DNAH3: variants seen among roughly 807,000 people sequenced by gnomAD.
DNAH3 encodes axonemal beta dynein heavy chain 3.
A neutral mutation model predicts 432.5 loss-of-function variants in DNAH3; 332 were observed. The observed-to-expected ratio is 0.77, with a 90% confidence interval of 0.70 to 0.84. DNAH3 has a LOEUF of 0.84. Ranked by LOEUF, DNAH3 falls within the 40% of genes least tolerant of loss-of-function variation. The probability of loss-of-function intolerance (pLI) is 0.00; values close to 1 mark genes in which losing one functional copy is unlikely to be tolerated. For missense variants in DNAH3, 4,861 were observed against 5,114.0 expected, an observed-to-expected ratio of 0.95 and a Z score of 1.51; for synonymous variants, 1,956 against 1,900.2, an observed-to-expected ratio of 1.03 and a Z score of -0.76.
intron 31 of DNAH3, among the ~76,000 whole-genome samples, chr16:21,045,777 T>C (rs1325827279): frequency 6.6e-6 from 1 of 151,398 alleles, no homozygotes; most frequent in Non-Finnish European, 1.5e-5. Context: ...AGGGTGTCAA[T>C]TTTGGATCTT....
exon 41 of DNAH3, chr16:21,019,639 T>C (rs758212262): frequency 8.1e-6 from 13 of 1,613,992 alleles, no homozygotes; most frequent in Non-Finnish European, 1.0e-5. Context: ...TCTGGAAAGA[T>C]GTTGTTTTTG....
intron 51 of DNAH3, among the ~76,000 whole-genome samples, chr16:20,971,113 C>T (rs1191865465): frequency 1.3e-5 from 2 of 152,014 alleles, no homozygotes; most frequent in Non-Finnish European, 1.5e-5. Context: ...AGTGATCCGC[C>T]CGCCTCGGCC....
intron 52 of DNAH3, among the ~76,000 whole-genome samples, chr16:20,965,760 TA>T (rs2085027405): frequency 6.6e-6 from 1 of 152,200 alleles, no homozygotes; most frequent in South Asian, 2.1e-4. Flanking sequence ...TCAGCCAGGC[TA>T]GAGTTCAGTG....
chr16:20,985,177 T>G, exon 48 of DNAH3: 1 of 1,614,230 alleles, frequency 6.2e-7, no homozygotes, highest in African/African-American at 1.3e-5. Context: ...GTCAGCCTTC[T>G]CGTCAGCAGG....
At chr16:21,097,481 C>G in exon 18 of DNAH3, 1 of 1,613,738 alleles carries the variant, frequency 6.2e-7, no homozygotes, top group Non-Finnish European at 8.5e-7. Context: ...TCCAATAGCT[C>G]TTCCTCCTTA....
intron 41 of DNAH3, among the ~76,000 whole-genome samples, chr16:21,004,221 AAAGT>A (rs751928746): frequency 2.6e-5 from 4 of 152,226 alleles, no homozygotes; most frequent in Middle Eastern, 3.2e-3. Flanking sequence ...TTAAAAAATG[AAAGT>A]AAGGAGAATA....
Position 20,954,084 on chromosome 16 carries a change from G to A in DNAH3, c.11071+729C>T, listed in dbSNP as rs367797569. On this transcript the variant is annotated intron_variant, in intron 55 of 61. Coordinates refer to ENST00000261383, the Ensembl canonical transcript of DNAH3. ...TACTAAAAATACAAAAATTAACCGG[G>A]TGTGGTGGCATGCTTGTAGTTCCAG... Among the ~76,000 whole-genome samples the A allele has an allele frequency of 1.2e-3, 177 of 151,646 alleles. 6 individuals carry two copies. The South Asian group carries it at 0.035, about 30-fold the overall frequency.
intron 36 of DNAH3, among the ~76,000 whole-genome samples, chr16:21,032,679 G>A (rs1293376094): frequency 2.0e-5 from 3 of 152,040 alleles, no homozygotes; most frequent in Admixed American, 1.3e-4. Flanking sequence ...CGGGCATGGT[G>A]GTGCATGCCT....
chr16:20,936,996 G>T, intron 59 of DNAH3, 143 bp from the exon 60 acceptor site: 1 of 662,070 alleles, frequency 1.5e-6, no homozygotes, highest in Non-Finnish European at 2.5e-6. Context: ...CCGTTACCTT[G>T]CTACCTAAAG....
At chr16:21,087,152 G>A (rs1281659907) in intron 18 of DNAH3, 92 bp from the exon 19 acceptor site, 1 of 1,065,104 alleles carries the variant, frequency 9.4e-7, no homozygotes, top group East Asian at 2.4e-5. Flanking sequence ...TGTGCCTCCT[G>A]TCGTTTGGAG....
chr16:21,055,981 T>C (rs1166433318), intron 27 of DNAH3, among the ~76,000 whole-genome samples: 1 of 151,358 alleles, frequency 6.6e-6, no homozygotes, highest in African/African-American at 2.5e-5. Flanking sequence ...CAAGCAATCC[T>C]CCCGCCTTGG....
intron 56 of DNAH3, 66 bp downstream of exon 56, chr16:20,952,367 G>A: frequency 1.0e-6 from 1 of 969,410 alleles, no homozygotes; most frequent in Non-Finnish European, 1.7e-6. Flanking sequence ...GAAATGGGAG[G>A]AGAACAGCAG....
intron 20 of DNAH3, among the ~76,000 whole-genome samples, chr16:21,076,724 T>C (rs1258576975): frequency 6.6e-6 from 1 of 152,188 alleles, no homozygotes; most frequent in Admixed American, 6.5e-5. Context: ...TTTTTCATAT[T>C]GTTCTGTTTC....
chr16:20,964,600 A>G, exon 53 of DNAH3: 1 of 1,614,114 alleles, frequency 6.2e-7, no homozygotes, highest in Non-Finnish European at 8.5e-7. Context: ...CGCCTTCTCC[A>G]TGTTCTTAAT....
intron 56 of DNAH3, among the ~76,000 whole-genome samples, chr16:20,949,674 CCT>C (rs1373875813): frequency 2.6e-5 from 4 of 152,184 alleles, no homozygotes; most frequent in East Asian, 1.9e-4. Context: ...TAACTGTGCC[CCT>C]GATAGAGAAT....
chr16:20,974,590 T>TTG lies in DNAH3; in HGVS notation c.8259+642_8259+643insCA, dbSNP rs1555514772. Among the ~76,000 whole-genome samples, 32 of 138,562 alleles carry TTG rather than the reference T, an allele frequency of 2.3e-4. 1 individual carries two copies. Among genetic ancestry groups the TTG allele is most frequent in the East Asian group, 4.3e-4 (2 of 4,660 alleles). 90.9% of individuals were successfully genotyped at this position (138,562 alleles called of 152,430 possible). On this transcript the variant is annotated intron_variant, in intron 51 of 61. Coordinates refer to ENST00000261383, the Ensembl canonical transcript of DNAH3. ...GGCTGTTTTATAGTGTTTTTTTTTT[T>TTG]TTTTTTTTTTTGTAGAGACAGAATC...
intron 44 of DNAH3, among the ~76,000 whole-genome samples, chr16:20,992,144 G>C (rs2086584700): frequency 6.6e-6 from 1 of 152,008 alleles, no homozygotes; most frequent in Non-Finnish European, 1.5e-5. Flanking sequence ...TATTGTTATA[G>C]ACTCATGGAT....
intron 28 of DNAH3, among the ~76,000 whole-genome samples, chr16:21,053,286 C>T (rs1021842241): frequency 1.3e-5 from 2 of 152,114 alleles, no homozygotes; most frequent in African/African-American, 4.8e-5. Context: ...ATTTAATTCC[C>T]CTCCTGGCTC....
At position 21,032,506 on chromosome 16, in the gene DNAH3, T is replaced by A. The variant is rs959194842; in HGVS notation, c.5198-1220A>T. Among the ~76,000 whole-genome samples the A allele has an allele frequency of 2.0e-5, 3 of 152,124 alleles. No individual in the cohort carries two copies. The South Asian group carries it at 6.2e-4, about 32-fold the overall frequency. ...GGGAAAAGTTGAAGTGCTTGAGTCA[T>A]GAACTAAATAAAGAACCACCTCTGG... is the stretch of plus-strand genomic sequence containing the variant. On this transcript the variant is annotated intron_variant, in intron 36 of 61. Coordinates refer to ENST00000261383, the Ensembl canonical transcript of DNAH3.
Sources: allele counts gnomAD v4.1 joint callset (sites outside exome capture counted in the v4.1 genomes callset), GRCh38; gene constraint gnomAD v4.1.1; transcripts MANE v1.5; gene names NCBI Gene and HGNC (gene_info 2026-07-23, HGNC 2026-07-21).